EXOSC7: variants seen among roughly 807,000 people sequenced by gnomAD.
EXOSC7 encodes the protein exosome complex component RRP42.
Under a neutral mutation model 34.3 loss-of-function variants are expected in EXOSC7, and 25 were observed. That is an observed-to-expected ratio of 0.73 (90% CI 0.53 to 1.02). The LOEUF (loss-of-function observed/expected upper bound fraction) is 1.02, where lower values mean the gene tolerates loss of function less well. EXOSC7 is among the 50% of genes least tolerant of loss of function. The pLI, the probability that EXOSC7 is intolerant of heterozygous loss-of-function variation, is 0.00. For missense variants in EXOSC7, 370 were observed against 368.5 expected (o/e 1.00, Z -0.03); for synonymous variants, 130 against 143.0 (o/e 0.91, Z 0.65).
At chr3:44,987,400 G>GA (rs1706451210) in intron 1 of EXOSC7, among the ~76,000 whole-genome samples, 1 of 152,172 alleles carries the variant, frequency 6.6e-6, no homozygotes, top group South Asian at 2.1e-4. Context: ...ACCCAAAATG[G>GA]AAAACAAAAA....
At chr3:44,991,158 A>G (rs1706560698) in intron 3 of EXOSC7, among the ~76,000 whole-genome samples, 1 of 152,186 alleles carries the variant, frequency 6.6e-6, no homozygotes, top group Non-Finnish European at 1.5e-5. Flanking sequence ...CCAGCTTTGG[A>G]GGGCTGCTCT....
chr3:44,984,706 T>C (rs559842592), intron 1 of EXOSC7, among the ~76,000 whole-genome samples: 1 of 152,228 alleles, frequency 6.6e-6, no homozygotes, highest in Non-Finnish European at 1.5e-5. Context: ...TTCTCATTTG[T>C]AAAATGGAAT....
chr3:44,993,247 A>G (rs933541168), intron 3 of EXOSC7, among the ~76,000 whole-genome samples: 2 of 152,128 alleles, frequency 1.3e-5, no homozygotes, highest in African/African-American at 4.8e-5. Flanking sequence ...TCTGGTACCC[A>G]TTTACAGGGA....
chr3:44,986,412 T>C (rs1367661197), intron 1 of EXOSC7, among the ~76,000 whole-genome samples: 1 of 152,174 alleles, frequency 6.6e-6, no homozygotes. Flanking sequence ...GCTGAGCCCA[T>C]GCCCACCCAG....
At chr3:44,990,135 T>A (rs1441999438) in intron 3 of EXOSC7, among the ~76,000 whole-genome samples, 1 of 152,204 alleles carries the variant, frequency 6.6e-6, no homozygotes, top group Non-Finnish European at 1.5e-5. Flanking sequence ...GAGAGAGGGC[T>A]CTGCAGTGTC....
In EXOSC7 at chr3:44,989,188, G is replaced by C. The variant is rs146138646; in HGVS notation, c.106G>C (p.Glu36Gln). Residue 36 changes from glutamate to glutamine, a missense_variant, in exon 2 of 8, where the codon GAA becomes CAA. By Grantham distance (29) the Glu-to-Gln change is conservative (BLOSUM62 2). Coordinates refer to ENST00000265564, the MANE Select transcript of EXOSC7 (RefSeq NM_015004.4). ...TGGCTGTGAGGACTACCGATGTGTC[G>C]AAGTGGAAACTGATGTGGTGTCCAA... ...GRGCEDYRCVEVETDVVSNTS... is the reference protein window; with the variant it reads ...GRGCEDYRCVQVETDVVSNTS... 12 of 1,614,148 alleles carry C rather than the reference G, an allele frequency of 7.4e-6. No individual in the cohort carries two copies. The highest frequency in any genetic ancestry group is 1.3e-5 in the African/African-American group (1 of 75,026).
intron 1 of EXOSC7, among the ~76,000 whole-genome samples, chr3:44,979,787 A>G (rs1706228030): frequency 6.6e-6 from 1 of 152,208 alleles, no homozygotes; most frequent in East Asian, 1.9e-4. Context: ...AAGGATGGAC[A>G]GAATAATTAG....
At chr3:44,993,560 A>G (rs1236932605) in intron 3 of EXOSC7, among the ~76,000 whole-genome samples, 2 of 151,958 alleles carry the variant, frequency 1.3e-5, no homozygotes, top group Non-Finnish European at 1.5e-5. Flanking sequence ...GCAGGAGGGT[A>G]GAGGTGATGA....
chr3:44,982,934 A>G (rs1015744216), intron 1 of EXOSC7, among the ~76,000 whole-genome samples: 1 of 152,240 alleles, frequency 6.6e-6, no homozygotes, highest in African/African-American at 2.4e-5. Context: ...AAGCTGGACC[A>G]AATGTGGCCC....
chr3:44,989,113 T>G (rs376280854), intron 1 of EXOSC7, 27 bp from the exon 2 acceptor site: 8 of 1,519,152 alleles, frequency 5.3e-6, no homozygotes, highest in Non-Finnish European at 7.3e-6. Context: ...CTGGGGTGAC[T>G]ATAGGACTGT....
intron 3 of EXOSC7, among the ~76,000 whole-genome samples, chr3:44,994,979 TTTG>T (rs150484060): frequency 6.6e-5 from 10 of 150,848 alleles, no homozygotes; most frequent in South Asian, 4.2e-4. Flanking sequence ...GGGGCATGGG[TTTG>T]TTGTTGTTGT....
At chr3:45,005,013 C>T (rs914636295) in intron 5 of EXOSC7, 6 of 372,056 alleles carry the variant, frequency 1.6e-5, no homozygotes, top group African/African-American at 4.0e-5. Context: ...TTTGGTATGG[C>T]TTCGTGTGTG....
chr3:45,010,141 C>T (rs537451188), intron 7 of EXOSC7, among the ~76,000 whole-genome samples: 3 of 152,272 alleles, frequency 2.0e-5, no homozygotes, highest in African/African-American at 7.2e-5. Flanking sequence ...ATGTGAAAGA[C>T]CTGATAAGGT....
intron 7 of EXOSC7, among the ~76,000 whole-genome samples, chr3:45,008,734 C>T (rs1310410248): frequency 1.3e-5 from 2 of 152,216 alleles, no homozygotes; most frequent in South Asian, 4.1e-4. Context: ...TCAAATTTCT[C>T]CAGACTTAAT....
intron 3 of EXOSC7, among the ~76,000 whole-genome samples, chr3:44,995,499 A>T (rs1276810998): frequency 6.6e-6 from 1 of 152,216 alleles, no homozygotes; most frequent in Non-Finnish European, 1.5e-5. Flanking sequence ...CTGTAGATGT[A>T]TTTTTAAGCA....
chr3:45,012,368 C>T (rs1439432635), downstream of EXOSC7: 1 of 152,264 alleles, frequency 6.6e-6, no homozygotes, highest in Non-Finnish European at 1.5e-5. Context: ...TCCAGAGGTC[C>T]TGGTGTGGGC....
chr3:44,976,416 AGG>A, intron 1 of EXOSC7, 82 bp downstream of exon 1: 3 of 1,235,968 alleles, frequency 2.4e-6, no homozygotes, highest in Non-Finnish European at 1.1e-6. Flanking sequence ...TTTGCCAGTG[AGG>A]AGGCAGCCGA....
At chr3:44,993,319 G>T (rs1338053785) in intron 3 of EXOSC7, among the ~76,000 whole-genome samples, 1 of 152,122 alleles carries the variant, frequency 6.6e-6, no homozygotes, top group African/African-American at 2.4e-5. Flanking sequence ...TAGGGCCTGT[G>T]TTGGGGCTAG....
chr3:44,986,159 G>A (rs1706406894), intron 1 of EXOSC7, among the ~76,000 whole-genome samples: 1 of 151,222 alleles, frequency 6.6e-6, no homozygotes, highest in Non-Finnish European at 1.5e-5. Flanking sequence ...GGGCGCCGTG[G>A]AGCAGGGGGC....
Sources: gnomAD v4.1 joint callset for allele counts (sites outside exome capture counted in the v4.1 genomes callset) on GRCh38, gnomAD v4.1.1 for gene constraint, MANE v1.5 for transcripts, NCBI Gene and HGNC (gene_info 2026-07-23, HGNC 2026-07-21) for gene names.